Variants in COL25A1 observed in about 807,000 individuals in gnomAD.
COL25A1 encodes collagen alpha-1(XXV) chain.
COL25A1 carries 103 observed loss-of-function variants against 128.4 expected under a neutral mutation model. That is an observed-to-expected ratio of 0.80 (90% CI 0.68 to 0.94). The LOEUF (loss-of-function observed/expected upper bound fraction) is 0.94, where lower values mean the gene tolerates loss of function less well. Among genes scored for constraint, COL25A1 ranks in the 40% least tolerant of loss-of-function variants. COL25A1 has a pLI of 0.00. For missense variants in COL25A1, 745 were observed against 840.0 expected (o/e 0.89, Z 1.40); for synonymous variants, 279 against 277.2 (o/e 1.01, Z -0.06).
rs1223374145 is a variant in COL25A1, at chr4:108,937,897, C to T, written c.673-54G>A. 8 of 1,406,534 alleles carry T rather than the reference C, an allele frequency of 5.7e-6. No individual in the cohort carries two copies. The African/African-American group carries it at 8.9e-5, about 16-fold the overall frequency. The allele number at this position is 1,406,534 out of a possible 1,614,324, so 87.1% of individuals were successfully genotyped here. On this transcript the variant is annotated intron_variant, in intron 10 of 37. Coordinates refer to ENST00000399132, the MANE Select transcript of COL25A1 (RefSeq NM_198721.4). ...AACGCTGTAAGTATTTAAAAAAAAA[C>T]CCTTCAATCATTTTTTCTTCTTTGA...
In COL25A1 at chr4:108,813,810, G is replaced by A. The variant is rs899860278; in HGVS notation, c.*117C>T. On this transcript the variant is annotated 3_prime_UTR_variant, in exon 38 of 38. Transcript: ENST00000399132. ...ACATGTATACTACTGCCAGCAGGAA[G>A]AAGCAGCCCTATGTAAACATATCTC... 1 of 783,222 alleles carries A rather than the reference G, an allele frequency of 1.3e-6. No homozygotes were observed. Among genetic ancestry groups the A allele is most frequent in the African/African-American group, 1.7e-5 (1 of 57,458 alleles). The allele number at this position is 783,222 out of a possible 1,614,324, so 48.5% of individuals were successfully genotyped here.
chr4:109,229,966 A>G (rs941560276), intron 3 of COL25A1, among the ~76,000 whole-genome samples: 10 of 152,150 alleles, frequency 6.6e-5, no homozygotes, highest in African/African-American at 2.4e-4. Flanking sequence ...CTCATGGTGG[A>G]AGGTGAAGCA....
intron 6 of COL25A1, among the ~76,000 whole-genome samples, chr4:108,985,898 T>G (rs973258372): frequency 6.6e-6 from 1 of 152,214 alleles, no homozygotes; most frequent in Non-Finnish European, 1.5e-5. Flanking sequence ...TATACTATCA[T>G]CAGCTCAAAT....
chr4:109,302,004 G>A lies in COL25A1; in HGVS notation c.16C>T (p.His6Tyr). The A allele has an allele frequency of 1.3e-6, 2 of 1,595,350 alleles. No individual in the cohort carries two copies. Among genetic ancestry groups the A allele is most frequent in the African/African-American group, 1.3e-5 (1 of 74,760 alleles). ...TCCCGGCCCCCTCCTTTCCCTGCGT[G>A]CTTCTTCAGCAGCATCGTGGCGGGG... is the stretch of plus-strand genomic sequence containing the variant. MLLKK[H>Y]AGKGGGREPR... Residue 6 changes from histidine (H) to tyrosine (Y), a missense_variant, in exon 2 of 38, where the codon CAC becomes TAC. Physicochemically the swap from His to Tyr is moderately conservative, Grantham distance 83. Around this residue, in one of 3 missense-constraint regions of COL25A1, gnomAD observed 319 missense variants for 324.9 expected, o/e 0.98. Transcript: ENST00000399132.
intron 3 of COL25A1, among the ~76,000 whole-genome samples, chr4:109,155,193 T>C (rs1318814257): frequency 6.6e-6 from 1 of 152,182 alleles, no homozygotes. Flanking sequence ...TTTGGCACTG[T>C]TGCTTCTACT....
At chr4:109,154,198 T>C (rs2704111) in intron 3 of COL25A1, among the ~76,000 whole-genome samples, 10,075 of 152,194 alleles carry the variant, frequency 0.066, 603 homozygotes, top group African/African-American at 0.16. Flanking sequence ...CTTTCATCTT[T>C]ATAATCAATC....
At chr4:108,881,241 T>C (rs1289933971) in intron 19 of COL25A1, among the ~76,000 whole-genome samples, 1 of 152,186 alleles carries the variant, frequency 6.6e-6, no homozygotes, top group Non-Finnish European at 1.5e-5. Context: ...AGGTGATAGA[T>C]AGATGAGTCT....
rs1034794088 is a variant in COL25A1, at chr4:109,171,821, C to A, written c.368-121642G>T. 4.6e-5 allele frequency among the ~76,000 whole-genome samples: 7 copies of A among 152,290 alleles called. No individual in the cohort carries two copies. The East Asian group carries it at 1.4e-3, about 29-fold the overall frequency. On this transcript the variant is annotated intron_variant, in intron 3 of 37. Coordinates refer to ENST00000399132, the MANE Select transcript of COL25A1 (RefSeq NM_198721.4). ...TTCTACAGATGATGAATATCCAGGA[C>A]ACTTCTCGCATGAGCCCTCTAGTCC...
chr4:108,818,184 T>G (rs1426508252), intron 36 of COL25A1, among the ~76,000 whole-genome samples: 2 of 152,130 alleles, frequency 1.3e-5, no homozygotes, highest in African/African-American at 4.8e-5. Flanking sequence ...CTTCTACTTT[T>G]CCACCAACAA....
At chr4:108,838,933 G>T (rs1712431166) in intron 31 of COL25A1, among the ~76,000 whole-genome samples, 1 of 151,962 alleles carries the variant, frequency 6.6e-6, no homozygotes, top group Non-Finnish European at 1.5e-5. Context: ...ATCAGTAACG[G>T]CATGTTAGAT....
At chr4:108,950,181 A>T (rs1472953645) in intron 8 of COL25A1, among the ~76,000 whole-genome samples, 1 of 152,186 alleles carries the variant, frequency 6.6e-6, no homozygotes, top group South Asian at 2.1e-4. Flanking sequence ...AGAGTGCAAG[A>T]CATAACTTGT....
rs1038665533 is a variant in COL25A1 at position 109,299,955 on chromosome 4, G to T, written c.367+628C>A. On this transcript the variant is annotated intron_variant, in intron 3 of 37. Transcript: ENST00000399132. ...GCTGCCTTTAATATAGTTCCCTGAA[G>T]CTACACAGGAAAAAAAGGTAAAAAT... 1.3e-5 allele frequency among the ~76,000 whole-genome samples: 2 copies of T among 152,008 alleles called. 1 individual carries two copies. The highest frequency in any genetic ancestry group is 4.1e-4 in the South Asian group (2 of 4,820).
intron 3 of COL25A1, among the ~76,000 whole-genome samples, chr4:109,138,832 C>T (rs1041140335): frequency 5.3e-5 from 8 of 152,098 alleles, no homozygotes; most frequent in East Asian, 3.9e-4. Context: ...CTCAGCCTCC[C>T]GAGTAGCTGG....
At chr4:109,151,261 A>G (rs1771475100) in intron 3 of COL25A1, among the ~76,000 whole-genome samples, 1 of 152,130 alleles carries the variant, frequency 6.6e-6, no homozygotes, top group Non-Finnish European at 1.5e-5. Flanking sequence ...CAAGTTACCT[A>G]TAGATTAGCA....
At chr4:109,006,141 C>G (rs1010407468) in intron 6 of COL25A1, among the ~76,000 whole-genome samples, 4 of 150,704 alleles carry the variant, frequency 2.7e-5, no homozygotes, top group African/African-American at 9.8e-5. Context: ...GTAAACAGAA[C>G]ATGGAAATTT....
intron 37 of COL25A1, among the ~76,000 whole-genome samples, chr4:108,814,371 T>G (rs1578429129): frequency 6.6e-6 from 1 of 152,234 alleles, no homozygotes; most frequent in Non-Finnish European, 1.5e-5. Flanking sequence ...TAATGTTGTT[T>G]ACGTCACCAA....
At chr4:109,190,506 G>T (rs778295501) in intron 3 of COL25A1, among the ~76,000 whole-genome samples, 2 of 152,218 alleles carry the variant, frequency 1.3e-5, no homozygotes, top group African/African-American at 2.4e-5. Context: ...GGGGATCATT[G>T]CCTCTTTCTG....
chr4:108,859,373 G>A (rs563715759), intron 24 of COL25A1, among the ~76,000 whole-genome samples: 5 of 152,146 alleles, frequency 3.3e-5, no homozygotes, highest in Non-Finnish European at 7.3e-5. Flanking sequence ...CAAGGAAGGA[G>A]GCAAAAATTG....
Position 108,844,565 on chromosome 4 carries a change from A to G in COL25A1, c.1583T>C (p.Ile528Thr). Residue 528 changes from isoleucine (I) to threonine (T), a missense_variant, in exon 30 of 38, where the codon ATA becomes ACA. Ile to Thr is a moderately conservative substitution (Grantham distance 89). This residue lies in a region of COL25A1 where 387 missense variants were observed against 441.9 expected (regional missense o/e 0.88). Transcript: ENST00000399132. Reference sequence around the variant, plus strand: ...GGGACCTGGTGGGCCTGGTGGGCCTATGATCTGTATGTCCAAAAAATAAAA... The same window carrying G: ...GGGACCTGGTGGGCCTGGTGGGCCTGTGATCTGTATGTCCAAAAAATAAAA... The part of the protein sequence containing the change: ...GMPGPQGPSI[I>T]GPPGPPGPHG... 1 of 1,610,182 alleles carries G rather than the reference A, an allele frequency of 6.2e-7. No individual in the cohort carries two copies. The highest frequency in any genetic ancestry group is 1.1e-5 in the South Asian group (1 of 90,412).
Sources: allele counts gnomAD v4.1 joint callset (sites outside exome capture counted in the v4.1 genomes callset), GRCh38; gene constraint gnomAD v4.1.1; regional missense constraint gnomAD v4.1.1; transcripts MANE v1.5; gene names NCBI Gene and HGNC (gene_info 2026-07-23, HGNC 2026-07-21).